Variants in DENND5B observed in about 807,000 individuals in gnomAD.
The protein encoded by DENND5B is DENN domain containing 5B, also known as DENN domain-containing protein 5B.
A neutral mutation model predicts 140.6 loss-of-function variants in DENND5B; 34 were observed. The observed-to-expected ratio is 0.24, with a 90% CI of 0.18 to 0.32. The LOEUF (loss-of-function observed/expected upper bound fraction) is 0.32, where lower values mean the gene tolerates loss of function less well. Ranked by LOEUF, DENND5B falls within the 10% of genes least tolerant of loss-of-function variation. DENND5B has a pLI of 1.00. For missense variants in DENND5B, 1,142 were observed against 1,560.2 expected, an observed-to-expected ratio of 0.73 and a Z score of 4.52; for synonymous variants, 551 against 562.1, an observed-to-expected ratio of 0.98 and a Z score of 0.28.
chr12:31,468,410 A>T (rs1244707551), intron 3 of DENND5B, among the ~76,000 whole-genome samples: 5 of 152,144 alleles, frequency 3.3e-5, no homozygotes, highest in Non-Finnish European at 7.4e-5. Flanking sequence ...AGCCCAAAAA[A>T]AGTAGTAGAA....
Position 31,404,700 on chromosome 12 carries a change from G to A in DENND5B, c.2804-2057C>T, listed in dbSNP as rs1320018771. 4.1e-5 allele frequency among the ~76,000 whole-genome samples: 6 copies of A among 146,374 alleles called. No homozygotes were observed. In the South Asian group the frequency reaches 8.8e-4, roughly 22 times the overall value. On this transcript the variant is annotated intron_variant, in intron 14 of 20. Transcript: ENST00000389082. The stretch of plus-strand genomic sequence containing the variant: ...AACTCCTGAACTCAGGTGATCCACC[G>A]GCCTCAACCTCCCAAAGTGTTGGGA...
chr12:31,445,384 G>C (rs1379558228), intron 6 of DENND5B, among the ~76,000 whole-genome samples: 4 of 152,198 alleles, frequency 2.6e-5, no homozygotes, highest in Non-Finnish European at 5.9e-5. Flanking sequence ...ATTGTAAAAT[G>C]AGGGCAGTAA....
chr12:31,503,237 C>T (rs1357850134), intron 1 of DENND5B, among the ~76,000 whole-genome samples: 2 of 152,096 alleles, frequency 1.3e-5, no homozygotes, highest in Non-Finnish European at 2.9e-5. Flanking sequence ...AAAATCTCCC[C>T]GTTAGGAAAA....
intron 11 of DENND5B, among the ~76,000 whole-genome samples, chr12:31,419,318 G>A (rs1012303539): frequency 6.6e-6 from 1 of 152,082 alleles, no homozygotes; most frequent in Non-Finnish European, 1.5e-5. Context: ...ATGTGGTGGC[G>A]CATGCCTGTA....
intron 1 of DENND5B, among the ~76,000 whole-genome samples, chr12:31,566,776 A>G (rs1448442714): frequency 6.6e-6 from 1 of 152,240 alleles, no homozygotes; most frequent in African/African-American, 2.4e-5. Context: ...AGTAAGTACT[A>G]TACAAGCATT....
chr12:31,391,480 T>C (rs954132924), intron 19 of DENND5B, among the ~76,000 whole-genome samples: 3 of 152,220 alleles, frequency 2.0e-5, no homozygotes, highest in Admixed American at 1.3e-4. Context: ...GTTATGTTTT[T>C]GTGTATTGTT....
At chr12:31,495,623 G>C (rs1946734747) in intron 2 of DENND5B, among the ~76,000 whole-genome samples, 187 bp downstream of exon 2, 1 of 151,976 alleles carries the variant, frequency 6.6e-6, no homozygotes, top group Non-Finnish European at 1.5e-5. Flanking sequence ...TGATCCACCT[G>C]CCTCGGCCTC....
At chr12:31,392,506 C>G in intron 18 of DENND5B, 108 bp downstream of exon 18, 5 of 1,539,344 alleles carry the variant, frequency 3.2e-6, no homozygotes, top group Non-Finnish European at 4.4e-6. Flanking sequence ...TTTACAGCTA[C>G]CAGAAAGCTT....
At chr12:31,534,987 T>C (rs775602705) in intron 1 of DENND5B, 11 of 236,676 alleles carry the variant, frequency 4.6e-5, no homozygotes, top group African/African-American at 1.7e-4. Context: ...GGCAGGAAGA[T>C]AGCTTGAACC....
At chr12:31,549,429 G>A (rs749413616) in intron 1 of DENND5B, among the ~76,000 whole-genome samples, 9 of 151,324 alleles carry the variant, frequency 5.9e-5, no homozygotes, top group African/African-American at 9.7e-5. Flanking sequence ...TTTTAATTAC[G>A]CTATCTATAT....
At chr12:31,490,239 G>GA (rs1946473254) in intron 2 of DENND5B, among the ~76,000 whole-genome samples, 1 of 151,470 alleles carries the variant, frequency 6.6e-6, no homozygotes, top group East Asian at 1.9e-4. Flanking sequence ...GGAAACGGGC[G>GA]AGAGGATGGG....
Position 31,424,575 on chromosome 12 carries a change from A to G in DENND5B, c.2351T>C (p.Leu784Pro), listed in dbSNP as rs1315732752. The change falls in exon 10 of 21, where the codon CTG becomes CCG. Residue 784 changes from leucine to proline, a missense_variant. Physicochemically the swap from Leu to Pro is moderately conservative, Grantham distance 98. Around this residue, in one of 5 missense-constraint regions of DENND5B, gnomAD observed 33 missense variants for 90.8 expected, o/e 0.36. Coordinates refer to ENST00000389082, the MANE Select transcript of DENND5B (RefSeq NM_144973.4). ...ENTLIASLCD[L>P]LERIWSHGLQ... ...GCCATGGCTCCATATCCTCTCCAGC[A>G]GGTCACAAAGGCTGGCGATCAAGGT... 1 of 1,613,926 alleles carries G rather than the reference A, an allele frequency of 6.2e-7. No individual in the cohort carries two copies. Among genetic ancestry groups the G allele is most frequent in the South Asian group, 1.1e-5 (1 of 91,080 alleles).
At chr12:31,506,265 A>G (rs1947197376) in intron 1 of DENND5B, 1 of 152,192 alleles carries the variant, frequency 6.6e-6, no homozygotes, top group Non-Finnish European at 1.5e-5. Context: ...AACACTAAAT[A>G]TAGTTTCTCT....
chr12:31,428,433 G>C (rs576251024), intron 8 of DENND5B, among the ~76,000 whole-genome samples: 43 of 152,060 alleles, frequency 2.8e-4, no homozygotes, highest in Non-Finnish European at 1.9e-4. Flanking sequence ...ACGGAATCTC[G>C]ATCTGTCACC....
At chr12:31,552,966 A>T (rs987582785) in intron 1 of DENND5B, among the ~76,000 whole-genome samples, 2 of 151,796 alleles carry the variant, frequency 1.3e-5, no homozygotes, top group Non-Finnish European at 2.9e-5. Context: ...CTTCTTTACT[A>T]GTCTTGCTAG....
At chr12:31,469,227 G>A (rs553138260) in intron 3 of DENND5B, among the ~76,000 whole-genome samples, 4 of 151,792 alleles carry the variant, frequency 2.6e-5, no homozygotes, top group Admixed American at 6.6e-5. Flanking sequence ...CCAGCTACTC[G>A]GGAGGCTGAG....
chr12:31,392,509 G>A lies in DENND5B; in HGVS notation c.3339+105C>T, dbSNP rs1414328342. 1.3e-5 allele frequency: 20 copies of A among 1,535,332 alleles called. No individual in the cohort carries two copies. In the Admixed American group the frequency reaches 4.3e-4, roughly 33 times the overall value. On this transcript the variant is annotated intron_variant, in intron 18 of 20. Coordinates refer to ENST00000389082, the MANE Select transcript of DENND5B (RefSeq NM_144973.4). ...ATGAAGCATGTTTTTACAGCTACCA[G>A]AAAGCTTACAAATGAAAATTCAAGC...
rs542850786 is a variant in DENND5B, at chr12:31,432,043, C to G, written c.2106+1112G>C. The G allele has an allele frequency of 5.4e-4, 536 of 984,834 alleles. 2 individuals are homozygous for G. In the Middle Eastern group the frequency reaches 7.3e-3, roughly 13 times the overall value. The allele number at this position is 984,834 out of a possible 1,614,324, so 61.0% of individuals were successfully genotyped here. A position where few individuals can be genotyped will look rare whatever the true frequency, so the allele number is the denominator to read the frequency against. On this transcript the variant is annotated intron_variant, in intron 8 of 20. Coordinates refer to ENST00000389082, the MANE Select transcript of DENND5B (RefSeq NM_144973.4). ...AAGCACTTTCAAGCAAAGAACATAC[C>G]AGGCAGCACTCAGAGAAGGATTTTT...
intron 13 of DENND5B, among the ~76,000 whole-genome samples, 196 bp from the exon 14 acceptor site, chr12:31,409,580 G>T (rs750645664): frequency 6.7e-6 from 1 of 149,604 alleles, no homozygotes; most frequent in Non-Finnish European, 1.5e-5. Flanking sequence ...CTGGGTTCAA[G>T]TGATTCTCCT....
Sources: allele counts gnomAD v4.1 joint callset (sites outside exome capture counted in the v4.1 genomes callset), GRCh38; gene constraint gnomAD v4.1.1; regional missense constraint gnomAD v4.1.1; transcripts MANE v1.5; gene names NCBI Gene and HGNC (gene_info 2026-07-23, HGNC 2026-07-21).